SCD5: variants seen among roughly 807,000 people sequenced by gnomAD.
SCD5 encodes the protein acyl-CoA-desaturase 4.
SCD5 carries 20 observed loss-of-function variants against 30.4 expected under a neutral mutation model. That is an observed-to-expected ratio of 0.66 (90% CI 0.46 to 0.96). SCD5 has a LOEUF of 0.96. Ranked by LOEUF, SCD5 falls within the 40% of genes least tolerant of loss-of-function variation. SCD5 has a pLI of 0.00. For synonymous variants in SCD5, 173 were observed against 176.4 expected, an observed-to-expected ratio of 0.98 and a Z score of 0.16; for missense variants, 381 against 443.3, an observed-to-expected ratio of 0.86 and a Z score of 1.26.
At chr4:82,636,527 T>A in intron 4 of SCD5, 64 bp downstream of exon 4, 1 of 1,287,070 alleles carries the variant, frequency 7.8e-7, no homozygotes, top group South Asian at 1.3e-5. Flanking sequence ...TCCACAAAAC[T>A]ACTGAGAGGC....
intron 1 of SCD5, among the ~76,000 whole-genome samples, chr4:82,713,886 T>G (rs944803439): frequency 6.6e-6 from 1 of 152,184 alleles, no homozygotes; most frequent in African/African-American, 2.4e-5. Context: ...ACCTGATAAC[T>G]TTGCTTCTGA....
At chr4:82,725,939 A>C (rs1720460006) in intron 1 of SCD5, among the ~76,000 whole-genome samples, 1 of 152,238 alleles carries the variant, frequency 6.6e-6, no homozygotes, top group Non-Finnish European at 1.5e-5. Flanking sequence ...CATAGGAAGC[A>C]GGATTTCAAC....
intron 1 of SCD5, among the ~76,000 whole-genome samples, chr4:82,744,279 A>C (rs1720940789): frequency 6.6e-6 from 1 of 152,188 alleles, no homozygotes; most frequent in Admixed American, 6.5e-5. Flanking sequence ...GGTTACCCAT[A>C]TTTCTTTTTA....
intron 1 of SCD5, among the ~76,000 whole-genome samples, chr4:82,781,777 C>T (rs562324867): frequency 2.0e-5 from 3 of 152,324 alleles, no homozygotes; most frequent in African/African-American, 7.2e-5. Flanking sequence ...CACCAAATAC[C>T]AGCCCCTCAG....
At chr4:82,715,942 T>A in intron 1 of SCD5, among the ~76,000 whole-genome samples, 1 of 151,832 alleles carries the variant, frequency 6.6e-6, no homozygotes, top group Non-Finnish European at 1.5e-5. Flanking sequence ...CACACTCAAG[T>A]ATAAGGAGAG....
intron 2 of SCD5, 127 bp downstream of exon 2, chr4:82,705,156 G>A: frequency 1.7e-6 from 2 of 1,165,708 alleles, no homozygotes; most frequent in Non-Finnish European, 2.4e-6. Context: ...GGGACAGACT[G>A]GGCGTGCTTG....
At chr4:82,728,707 C>T (rs77058665) in intron 1 of SCD5, among the ~76,000 whole-genome samples, 15,466 of 152,096 alleles carry the variant, frequency 0.1, 950 homozygotes, top group African/African-American at 0.16. Context: ...CCCTAGCCCC[C>T]GACCACTGCT....
At chr4:82,713,629 G>A (rs1720157591) in intron 1 of SCD5, among the ~76,000 whole-genome samples, 1 of 152,134 alleles carries the variant, frequency 6.6e-6, no homozygotes. Flanking sequence ...AGGAGGGCAG[G>A]GATTGTGTCT....
chr4:82,792,033 G>A (rs892293168), intron 1 of SCD5, among the ~76,000 whole-genome samples: 5 of 152,096 alleles, frequency 3.3e-5, no homozygotes, highest in Non-Finnish European at 4.4e-5. Context: ...CGAGGAGGGC[G>A]GATCACCTGA....
At chr4:82,742,724 T>G (rs1272105938) in intron 1 of SCD5, among the ~76,000 whole-genome samples, 1 of 152,060 alleles carries the variant, frequency 6.6e-6, no homozygotes, top group African/African-American at 2.4e-5. Flanking sequence ...GAGGTGGAGG[T>G]TGCCGTGAGC....
intron 1 of SCD5, among the ~76,000 whole-genome samples, chr4:82,720,449 A>AT (rs1242465850): frequency 6.7e-6 from 1 of 148,254 alleles, no homozygotes; most frequent in Admixed American, 6.7e-5. Flanking sequence ...AATAAAAAAA[A>AT]AAAAAAAAAA....
intron 2 of SCD5, among the ~76,000 whole-genome samples, chr4:82,683,186 G>A (rs988472354): frequency 2.0e-5 from 3 of 152,186 alleles, no homozygotes; most frequent in African/African-American, 4.8e-5. Flanking sequence ...CTGGCTTACT[G>A]TAATATGAAA....
chr4:82,769,728 G>A (rs1233376639), intron 1 of SCD5, among the ~76,000 whole-genome samples: 2 of 152,120 alleles, frequency 1.3e-5, no homozygotes, highest in African/African-American at 2.4e-5. Context: ...TAATGGTAAA[G>A]GGTCCCAATG....
intron 1 of SCD5, among the ~76,000 whole-genome samples, chr4:82,722,038 C>T (rs1454208905): frequency 6.6e-6 from 1 of 152,210 alleles, no homozygotes; most frequent in Non-Finnish European, 1.5e-5. Context: ...TGTGCACTAG[C>T]TGCAGTGACA....
intron 1 of SCD5, among the ~76,000 whole-genome samples, chr4:82,738,358 G>A (rs997773016): frequency 1.6e-4 from 24 of 152,176 alleles, no homozygotes; most frequent in East Asian, 5.8e-4. Flanking sequence ...GGAGGCAGAC[G>A]TTGCAGTGAG....
chr4:82,734,854 TC>T (rs145277633), intron 1 of SCD5, among the ~76,000 whole-genome samples: 16,344 of 151,812 alleles, frequency 0.11, 1,046 homozygotes, highest in East Asian at 0.2. Context: ...AACCTCTGCC[TC>T]CCGGGCTCAA....
chr4:82,791,133 G>A (rs1722091899), intron 1 of SCD5, among the ~76,000 whole-genome samples: 2 of 152,206 alleles, frequency 1.3e-5, no homozygotes, highest in Admixed American at 6.5e-5. Context: ...AGCTACTCAG[G>A]AGGCTGAGGC....
At chr4:82,725,301 T>G (rs80195023) in intron 1 of SCD5, among the ~76,000 whole-genome samples, 2,072 of 152,300 alleles carry the variant, frequency 0.014, 54 homozygotes, top group African/African-American at 0.048. Flanking sequence ...TAATCAAACT[T>G]TGAATGTGAA....
intron 3 of SCD5, among the ~76,000 whole-genome samples, chr4:82,679,238 A>C (rs6843255): frequency 1.1e-5 from 1 of 89,008 alleles, no homozygotes; most frequent in African/African-American, 4.5e-5. Context: ...GAAAGAAAGA[A>C]AGAAAGAAAG....
Sources: allele counts gnomAD v4.1 joint callset (sites outside exome capture counted in the v4.1 genomes callset), GRCh38; gene constraint gnomAD v4.1.1; transcripts MANE v1.5; gene names NCBI Gene and HGNC (gene_info 2026-07-23, HGNC 2026-07-21).